The following PACSIN2 variants were observed in gnomAD, a reference collection of about 807,000 sequenced individuals.
PACSIN2 encodes the protein protein kinase C and casein kinase substrate in neurons 2.
In PACSIN2, 25 loss-of-function variants were observed where a neutral mutation model predicts 63.8. The observed-to-expected ratio is 0.39, with a 90% CI of 0.29 to 0.55. The LOEUF (loss-of-function observed/expected upper bound fraction) is 0.55, where lower values mean the gene tolerates loss of function less well. PACSIN2 is among the 20% of genes least tolerant of loss of function. PACSIN2 has a pLI of 0.62. For missense variants in PACSIN2, 518 were observed against 646.9 expected (o/e 0.80, Z 2.16); for synonymous variants, 255 against 256.2 (o/e 1.00, Z 0.05).
Position 42,879,052 on chromosome 22 carries a change from TG to T in PACSIN2, c.1023del (p.Ser342AlafsTer44). 1 of 1,613,644 alleles carries T rather than the reference TG, an allele frequency of 6.2e-7. No homozygotes were observed. Among genetic ancestry groups the T allele is most frequent in the Non-Finnish European group, 8.5e-7 (1 of 1,179,752 alleles). ...ATGGAGGTGGCGCCCACTCACCTGC[TG>T]GGCTTACTCGGCAGAGACTGGTCGC... ...QTGDQSLPSK[P>X]SSTLNVPSNP... On this transcript the variant is annotated frameshift_variant, in exon 8 of 11. Transcript: ENST00000263246. LOFTEE classifies it high-confidence loss of function.
intron 1 of PACSIN2, among the ~76,000 whole-genome samples, chr22:42,946,320 C>A (rs1002366271): frequency 3.3e-5 from 5 of 152,178 alleles, no homozygotes; most frequent in Non-Finnish European, 5.9e-5. Flanking sequence ...GCTAATAAAG[C>A]CAAAGGATTT....
intron 1 of PACSIN2, among the ~76,000 whole-genome samples, chr22:42,957,129 A>G (rs1343995467): frequency 6.6e-6 from 1 of 152,210 alleles, no homozygotes; most frequent in Non-Finnish European, 1.5e-5. Flanking sequence ...GGCTCACCAA[A>G]TGAAAGCAGC....
chr22:42,998,554 A>G (rs1923561660), intron 1 of PACSIN2, among the ~76,000 whole-genome samples: 1 of 152,220 alleles, frequency 6.6e-6, no homozygotes, highest in Non-Finnish European at 1.5e-5. Flanking sequence ...TTCACATTCA[A>G]TGATTTAGAA....
intron 7 of PACSIN2, among the ~76,000 whole-genome samples, chr22:42,880,085 T>TC (rs1354478085): frequency 6.6e-6 from 1 of 152,096 alleles, no homozygotes; most frequent in Non-Finnish European, 1.5e-5. Context: ...GAGCTCTCCT[T>TC]CCCCCCATCT....
At chr22:42,919,449 C>A (rs1459234297) in intron 1 of PACSIN2, among the ~76,000 whole-genome samples, 1 of 152,180 alleles carries the variant, frequency 6.6e-6, no homozygotes, top group East Asian at 1.9e-4. Context: ...CTGTCTGGCA[C>A]CCAGTGGTTG....
At chr22:43,003,248 TAA>T (rs370596304) in intron 1 of PACSIN2, among the ~76,000 whole-genome samples, 1 of 152,208 alleles carries the variant, frequency 6.6e-6, no homozygotes, top group African/African-American at 2.4e-5. Flanking sequence ...CTTCAATTTT[TAA>T]AAGATTTAAA....
intron 1 of PACSIN2, among the ~76,000 whole-genome samples, chr22:42,944,770 T>G (rs1190512488): frequency 6.6e-6 from 1 of 151,942 alleles, no homozygotes; most frequent in Non-Finnish European, 1.5e-5. Context: ...AAAGGCAGAG[T>G]GGCACAGCGC....
chr22:42,952,359 G>GT (rs1431821075), intron 1 of PACSIN2, among the ~76,000 whole-genome samples: 9 of 151,330 alleles, frequency 5.9e-5, no homozygotes, highest in South Asian at 2.1e-4. Context: ...TTATTTTTAA[G>GT]TTTATCTTTT....
chr22:42,933,051 C>T (rs191692063), intron 1 of PACSIN2, among the ~76,000 whole-genome samples: 2 of 152,346 alleles, frequency 1.3e-5, no homozygotes, highest in Non-Finnish European at 1.5e-5. Flanking sequence ...TTTATATTTA[C>T]AGTAGAATTT....
intron 1 of PACSIN2, among the ~76,000 whole-genome samples, chr22:42,946,507 A>T (rs1257366394): frequency 6.6e-6 from 1 of 152,204 alleles, no homozygotes; most frequent in Admixed American, 6.5e-5. Context: ...GTGAGATCGC[A>T]CCACTGCACT....
At chr22:42,897,780 AG>A (rs1333430791) in intron 2 of PACSIN2, among the ~76,000 whole-genome samples, 2 of 152,192 alleles carry the variant, frequency 1.3e-5, no homozygotes, top group African/African-American at 2.4e-5. Flanking sequence ...CAATATCCAA[AG>A]GGCATCTTCA....
At chr22:42,953,944 A>G (rs1230722723) in intron 1 of PACSIN2, among the ~76,000 whole-genome samples, 4 of 152,232 alleles carry the variant, frequency 2.6e-5, no homozygotes, top group Non-Finnish European at 4.4e-5. Flanking sequence ...TCTGGAGAGA[A>G]TAAGAACAGC....
chr22:42,875,219 G>A (rs1265302145), intron 10 of PACSIN2, among the ~76,000 whole-genome samples: 1 of 151,272 alleles, frequency 6.6e-6, no homozygotes, highest in Non-Finnish European at 1.5e-5. Context: ...GTATGAACAT[G>A]GCTCACTGTA....
At chr22:42,940,983 A>C (rs1183337980) in intron 1 of PACSIN2, among the ~76,000 whole-genome samples, 2 of 152,168 alleles carry the variant, frequency 1.3e-5, no homozygotes, top group African/African-American at 4.8e-5. Context: ...ACATCATGAC[A>C]ATCATTTTAG....
At position 42,954,674 on chromosome 22, in the gene PACSIN2, A is replaced by T. The variant is rs576379259; in HGVS notation, c.-77-42517T>A. ...CAGTCACGTGGTTAGTGGCTACCACACTGGACATCGCAGTTCTGGAGGTTC... is the reference window on the plus strand; with the variant it reads ...CAGTCACGTGGTTAGTGGCTACCACTCTGGACATCGCAGTTCTGGAGGTTC... On this transcript the variant is annotated intron_variant, in intron 1 of 10. Transcript: ENST00000263246. 2.0e-5 allele frequency among the ~76,000 whole-genome samples: 3 copies of T among 152,354 alleles called. No homozygotes were observed. In the South Asian group the frequency reaches 6.2e-4, roughly 32 times the overall value.
At chr22:42,920,098 A>G (rs976845451) in intron 1 of PACSIN2, among the ~76,000 whole-genome samples, 3 of 152,140 alleles carry the variant, frequency 2.0e-5, no homozygotes, top group Non-Finnish European at 4.4e-5. Context: ...ACAGAGTGAG[A>G]CCTGGTCTCT....
At chr22:42,992,885 C>T (rs552448070) in intron 1 of PACSIN2, among the ~76,000 whole-genome samples, 1 of 152,090 alleles carries the variant, frequency 6.6e-6, no homozygotes, top group Non-Finnish European at 1.5e-5. Flanking sequence ...ATATACTGGC[C>T]GGAAGTGGTG....
chr22:42,997,631 A>G (rs1923500198), intron 1 of PACSIN2, among the ~76,000 whole-genome samples: 1 of 152,178 alleles, frequency 6.6e-6, no homozygotes, highest in African/African-American at 2.4e-5. Context: ...ATTGCATGCA[A>G]AAATGTCTGA....
At chr22:42,950,211 T>C (rs917395623) in intron 1 of PACSIN2, among the ~76,000 whole-genome samples, 5 of 152,026 alleles carry the variant, frequency 3.3e-5, no homozygotes, top group Non-Finnish European at 7.4e-5. Context: ...TTATAAGTAA[T>C]CTAGAGATGA....
Sources: gnomAD v4.1 joint callset for allele counts (sites outside exome capture counted in the v4.1 genomes callset) on GRCh38, gnomAD v4.1.1 for gene constraint, MANE v1.5 for transcripts, NCBI Gene and HGNC (gene_info 2026-07-23, HGNC 2026-07-21) for gene names.